PCDH15: variants seen among roughly 807,000 people sequenced by gnomAD.
PCDH15 encodes the protein protocadherin related 15, also known as protocadherin-15.
Under a neutral mutation model 178.5 loss-of-function variants are expected in PCDH15, and 129 were observed. That is an observed-to-expected ratio of 0.72 (90% CI 0.63 to 0.84). The LOEUF is 0.84. Among genes scored for constraint, PCDH15 ranks in the 40% least tolerant of loss-of-function variants. The pLI, the probability that PCDH15 is intolerant of heterozygous loss-of-function variation, is 0.00. For missense variants in PCDH15, 2,230 were observed against 2,099.9 expected (o/e 1.06, Z -1.21); for synonymous variants, 800 against 732.0 (o/e 1.09, Z -1.50).
chr10:54,551,379 A>G (rs1306553957), intron 2 of PCDH15, among the ~76,000 whole-genome samples: 5 of 152,068 alleles, frequency 3.3e-5, no homozygotes, highest in African/African-American at 1.2e-4. Context: ...TAAATGTATC[A>G]TGTCAGCTAG....
intron 20 of PCDH15, among the ~76,000 whole-genome samples, chr10:53,998,382 A>T (rs1352608322): frequency 6.6e-6 from 1 of 152,176 alleles, no homozygotes; most frequent in Non-Finnish European, 1.5e-5. Flanking sequence ...AAAGCCTGCA[A>T]TTTGTTTCCA....
At chr10:55,206,777 T>C (rs1173249063) in intron 1 of PCDH15, among the ~76,000 whole-genome samples, 2 of 152,124 alleles carry the variant, frequency 1.3e-5, no homozygotes, top group Admixed American at 6.5e-5. Flanking sequence ...ATCAGAGGTC[T>C]TTAAATATCT....
intron 2 of PCDH15, among the ~76,000 whole-genome samples, chr10:55,338,101 G>A (rs1407728379): frequency 6.6e-6 from 1 of 152,136 alleles, no homozygotes; most frequent in Admixed American, 6.6e-5. Flanking sequence ...AGATTACAAT[G>A]AGATATCATC....
intron 23 of PCDH15, among the ~76,000 whole-genome samples, chr10:53,955,102 C>T (rs889157945): frequency 7.2e-5 from 11 of 152,174 alleles, no homozygotes; most frequent in African/African-American, 2.2e-4. Context: ...AATGTAGACC[C>T]GTACCTGGAT....
At chr10:55,105,987 C>T (rs1480721331) in intron 2 of PCDH15, among the ~76,000 whole-genome samples, 1 of 151,702 alleles carries the variant, frequency 6.6e-6, no homozygotes, top group Non-Finnish European at 1.5e-5. Context: ...TTTTCAATGA[C>T]AATACTCCTG....
At chr10:54,715,160 G>A (rs2095465454) in intron 1 of PCDH15, among the ~76,000 whole-genome samples, 1 of 152,032 alleles carries the variant, frequency 6.6e-6, no homozygotes. Flanking sequence ...GCAATGCTCG[G>A]TTTAGACTTA....
intron 36 of PCDH15, 58 bp from the exon 37 acceptor site, chr10:53,810,722 C>T (rs754362838): frequency 7.1e-7 from 1 of 1,416,812 alleles, no homozygotes; most frequent in Non-Finnish European, 1.0e-6. Flanking sequence ...TAGAATCTAC[C>T]ATGAGTGATC....
In PCDH15 at chr10:53,844,584, T is replaced by C. The variant is rs142890608; in HGVS notation, c.3807-4088A>G. ...AAAACTCCAAAATAAATCCACACTC[T>C]TACAGCCAATCATTTTTGACCAAGA... On this transcript the variant is annotated intron_variant, in intron 28 of 37. Transcript: ENST00000644397. Among the ~76,000 whole-genome samples the C allele has an allele frequency of 7.0e-4, 106 of 152,034 alleles. 1 individual carries two copies. In the East Asian group the frequency reaches 0.019, roughly 27 times the overall value.
At chr10:54,788,201 C>A (rs950857726) in intron 1 of PCDH15, among the ~76,000 whole-genome samples, 1 of 151,734 alleles carries the variant, frequency 6.6e-6, no homozygotes, top group African/African-American at 2.4e-5. Context: ...AGGGATAAAA[C>A]AGGGCTGATA....
At chr10:54,879,226 G>C (rs970708) in intron 3 of PCDH15, among the ~76,000 whole-genome samples, 111,024 of 151,798 alleles carry the variant, frequency 0.73, 41,001 homozygotes, top group East Asian at 0.88. Context: ...GTGTGTGCTT[G>C]TATGTGTGTG....
In PCDH15 at chr10:54,862,072, G is replaced by A. The variant is rs540572696; in HGVS notation, c.-29+35378C>T. On this transcript the variant is annotated intron_variant, in intron 3 of 5. Coordinates refer to the PCDH15 transcript ENST00000458638. ...TATAATAACTTCTAAAGAATCTTCA[G>A]AGATGGAATATGAATAATAATTACA... Among the ~76,000 whole-genome samples, 9 of 152,176 alleles carry A rather than the reference G, an allele frequency of 5.9e-5. No individual in the cohort carries two copies. The South Asian group carries it at 1.2e-3, about 21-fold the overall frequency.
intron 1 of PCDH15, among the ~76,000 whole-genome samples, chr10:55,319,410 T>G (rs984197305): frequency 5.3e-5 from 8 of 151,718 alleles, no homozygotes; most frequent in African/African-American, 1.9e-4. Flanking sequence ...ATAAAACATA[T>G]AGAAATTTTA....
At chr10:55,249,281 T>G (rs1841769509) in intron 1 of PCDH15, among the ~76,000 whole-genome samples, 1 of 152,222 alleles carries the variant, frequency 6.6e-6, no homozygotes, top group Non-Finnish European at 1.5e-5. Flanking sequence ...CTTACATATT[T>G]AAGTCAAATT....
intron 2 of PCDH15, among the ~76,000 whole-genome samples, chr10:55,350,897 A>G (rs188817307): frequency 1.9e-4 from 29 of 152,206 alleles, no homozygotes; most frequent in African/African-American, 6.3e-4. Flanking sequence ...ATAAATCATA[A>G]CATATCTGAT....
chr10:54,339,572 G>C (rs529446596), intron 6 of PCDH15, among the ~76,000 whole-genome samples: 44 of 152,216 alleles, frequency 2.9e-4, no homozygotes, highest in South Asian at 1.7e-3. Flanking sequence ...TTATACAAAA[G>C]AAAGAAGAAT....
At chr10:54,671,577 T>A (rs1281893164) in intron 1 of PCDH15, among the ~76,000 whole-genome samples, 2 of 152,244 alleles carry the variant, frequency 1.3e-5, no homozygotes, top group East Asian at 3.9e-4. Flanking sequence ...ATAAAATCCA[T>A]TTTATTCTTC....
chr10:53,925,629 C>T (rs774857902), intron 25 of PCDH15, among the ~76,000 whole-genome samples: 4 of 152,170 alleles, frequency 2.6e-5, no homozygotes, highest in Admixed American at 6.5e-5. Context: ...ATCATTGCCT[C>T]GACAGGGAAT....
At chr10:54,227,950 A>G (rs779167378) in intron 9 of PCDH15, among the ~76,000 whole-genome samples, 1 of 152,280 alleles carries the variant, frequency 6.6e-6, no homozygotes, top group Admixed American at 6.5e-5. Flanking sequence ...GGTTTTCATC[A>G]TTAATATCAT....
In PCDH15 at chr10:55,241,117, G is replaced by A. The variant is rs534076406; in HGVS notation, c.-155-74466C>T. Among the ~76,000 whole-genome samples the A allele has an allele frequency of 3.2e-4, 49 of 152,264 alleles. No homozygotes were observed. The South Asian group carries it at 9.1e-3, about 28-fold the overall frequency. ...TGTAGTCCCAGCTACTCAGGAGGCT[G>A]AGACAGGAGAATCGCTTGCACCCGG... On this transcript the variant is annotated intron_variant, in intron 1 of 5. Coordinates refer to the PCDH15 transcript ENST00000458638.
Sources: gnomAD v4.1 joint callset for allele counts (sites outside exome capture counted in the v4.1 genomes callset) on GRCh38, gnomAD v4.1.1 for gene constraint, MANE v1.5 for transcripts, NCBI Gene and HGNC (gene_info 2026-07-23, HGNC 2026-07-21) for gene names.